Variants in RPS6KC1 observed in about 807,000 individuals in gnomAD.
RPS6KC1 encodes the protein ribosomal protein S6 kinase C1.
In RPS6KC1, 54 loss-of-function variants were observed where a neutral mutation model predicts 103.8. That is an observed-to-expected ratio of 0.52 (90% CI 0.42 to 0.65). RPS6KC1 has a LOEUF of 0.65. Among genes scored for constraint, RPS6KC1 ranks in the 30% least tolerant of loss-of-function variants. The probability of loss-of-function intolerance (pLI) is 0.00; values close to 1 mark genes in which losing one functional copy is unlikely to be tolerated. For synonymous variants in RPS6KC1, 439 were observed against 438.7 expected, an observed-to-expected ratio of 1.00 and a Z score of -0.01; for missense variants, 1,151 against 1,253.8, an observed-to-expected ratio of 0.92 and a Z score of 1.24.
At chr1:213,174,355 A>G (rs2091701057) in intron 7 of RPS6KC1, among the ~76,000 whole-genome samples, 1 of 152,228 alleles carries the variant, frequency 6.6e-6, no homozygotes, top group Admixed American at 6.5e-5. Flanking sequence ...AGATGAAACA[A>G]TATAAATGAA....
At chr1:213,095,800 A>G (rs1452627938) in intron 3 of RPS6KC1, among the ~76,000 whole-genome samples, 1 of 152,220 alleles carries the variant, frequency 6.6e-6, no homozygotes, top group African/African-American at 2.4e-5. Context: ...ATTAAGAAAT[A>G]CTATATTGCT....
the RPS6KC1 span, among the ~76,000 whole-genome samples, chr1:213,409,465 G>C: frequency 6.6e-6 from 1 of 152,006 alleles, no homozygotes; most frequent in Admixed American, 6.6e-5. Flanking sequence ...TGTGGAGACT[G>C]TTTGTGAGGG....
the RPS6KC1 span, among the ~76,000 whole-genome samples, chr1:213,607,613 G>A: frequency 6.6e-6 from 1 of 151,800 alleles, no homozygotes; most frequent in Non-Finnish European, 1.5e-5. Flanking sequence ...GCCAGAGGGA[G>A]CACATGGCAG....
At chr1:213,093,668 G>A (rs189836676) in intron 3 of RPS6KC1, among the ~76,000 whole-genome samples, 3 of 152,070 alleles carry the variant, frequency 2.0e-5, no homozygotes, top group South Asian at 4.1e-4. Flanking sequence ...ATTTAGACCC[G>A]TATCTTCTGT....
chr1:213,473,004 T>C, the RPS6KC1 span, among the ~76,000 whole-genome samples: 1 of 152,352 alleles, frequency 6.6e-6, no homozygotes, highest in Admixed American at 6.5e-5. Flanking sequence ...TGGGGACACC[T>C]ATTCCAATGA....
chr1:213,430,574 T>C, the RPS6KC1 span, among the ~76,000 whole-genome samples: 1 of 152,260 alleles, frequency 6.6e-6, no homozygotes, highest in Admixed American at 6.5e-5. Context: ...GTGTTATTTA[T>C]GCCTTCATGT....
the RPS6KC1 span, among the ~76,000 whole-genome samples, chr1:213,736,156 A>G: frequency 6.6e-6 from 1 of 152,216 alleles, no homozygotes; most frequent in Admixed American, 6.5e-5. Context: ...CCTGGGTAAC[A>G]AATTACCACA....
At chr1:213,680,245 G>C in the RPS6KC1 span, among the ~76,000 whole-genome samples, 1 of 152,144 alleles carries the variant, frequency 6.6e-6, no homozygotes, top group African/African-American at 2.4e-5. Context: ...TCTTGATGTT[G>C]AATCGGAGGT....
At chr1:213,484,979 C>T in the RPS6KC1 span, among the ~76,000 whole-genome samples, 1 of 152,200 alleles carries the variant, frequency 6.6e-6, no homozygotes, top group Non-Finnish European at 1.5e-5. Flanking sequence ...CTTCCTATTT[C>T]AGCCTCCCAA....
At chr1:213,064,302 C>T (rs915026130) in intron 1 of RPS6KC1, among the ~76,000 whole-genome samples, 14 of 151,818 alleles carry the variant, frequency 9.2e-5, no homozygotes, top group Admixed American at 9.2e-4. Context: ...GGTGATCCAC[C>T]TGCCTTGGCC....
the RPS6KC1 span, among the ~76,000 whole-genome samples, chr1:213,529,650 C>G: frequency 6.6e-6 from 1 of 152,120 alleles, no homozygotes; most frequent in Non-Finnish European, 1.5e-5. Context: ...GGAAATTGAG[C>G]TCGCATAACT....
At chr1:213,640,357 T>C in the RPS6KC1 span, among the ~76,000 whole-genome samples, 4 of 152,008 alleles carry the variant, frequency 2.6e-5, no homozygotes, top group South Asian at 8.3e-4. Flanking sequence ...AGTATGCTTT[T>C]AGTTTGATTG....
chr1:213,183,177 C>G (rs916609192), intron 8 of RPS6KC1, among the ~76,000 whole-genome samples: 3 of 151,876 alleles, frequency 2.0e-5, no homozygotes, highest in African/African-American at 4.8e-5. Context: ...ATATATGAAG[C>G]AAAAGCTGAT....
intron 12 of RPS6KC1, among the ~76,000 whole-genome samples, chr1:213,247,659 G>A (rs186622991): frequency 3.2e-4 from 49 of 152,178 alleles, no homozygotes; most frequent in East Asian, 1.5e-3. Context: ...GCTTGACCTC[G>A]GGAAATTTAT....
chr1:213,374,997 A>C, the RPS6KC1 span, among the ~76,000 whole-genome samples: 2 of 152,180 alleles, frequency 1.3e-5, no homozygotes, highest in East Asian at 1.9e-4. Context: ...ACACATATAC[A>C]CACATACATA....
the RPS6KC1 span, among the ~76,000 whole-genome samples, chr1:213,861,872 C>T: frequency 1.3e-5 from 2 of 152,266 alleles, no homozygotes; most frequent in African/African-American, 4.8e-5. Flanking sequence ...AAGCTGGCAC[C>T]TCATCCATTC....
the RPS6KC1 span, among the ~76,000 whole-genome samples, chr1:213,362,526 C>T: frequency 3.3e-5 from 5 of 152,166 alleles, no homozygotes; most frequent in Admixed American, 3.3e-4. Flanking sequence ...TGATAGGTCC[C>T]AGGAATTTTG....
the RPS6KC1 span, among the ~76,000 whole-genome samples, chr1:213,571,216 C>T: frequency 6.6e-6 from 1 of 152,138 alleles, no homozygotes; most frequent in Non-Finnish European, 1.5e-5. Flanking sequence ...TTTAAAGGAA[C>T]TTGCGAGACT....
rs1259090043 is a variant in RPS6KC1, at chr1:213,258,107, G to A, written c.2912-3451G>A. Among the ~76,000 whole-genome samples, 9 of 152,008 alleles carry A rather than the reference G, an allele frequency of 5.9e-5. No homozygotes were observed. The South Asian group carries it at 6.2e-4, about 11-fold the overall frequency. ...AGCAATTCCTCTGCCTCGGCCTCCCGAGTAGCTGGGACTACAGATGCGCGC... is the reference window on the plus strand; with the variant it reads ...AGCAATTCCTCTGCCTCGGCCTCCCAAGTAGCTGGGACTACAGATGCGCGC... On this transcript the variant is annotated intron_variant, in intron 12 of 14. Coordinates refer to ENST00000366960, the MANE Select transcript of RPS6KC1 (RefSeq NM_012424.6).
Sources: gnomAD v4.1 joint callset for allele counts (sites outside exome capture counted in the v4.1 genomes callset) on GRCh38, gnomAD v4.1.1 for gene constraint, MANE v1.5 for transcripts, NCBI Gene and HGNC (gene_info 2026-07-23, HGNC 2026-07-21) for gene names.